PCDH11Y: variants seen among roughly 807,000 people sequenced by gnomAD.
PCDH11Y encodes protocadherin 11 Y-linked.
For missense variants in PCDH11Y, 12 were observed against 224.8 expected, an observed-to-expected ratio of 0.05 and a Z score of 6.05; for synonymous variants, 9 against 83.6, an observed-to-expected ratio of 0.11 and a Z score of 4.87.
intron 2 of PCDH11Y, among the ~76,000 whole-genome samples, chrY:5,170,517 A>G (rs1602879587): frequency 3.7e-5 from 1 of 26,767 alleles, no homozygotes; most frequent in Non-Finnish European, 8.8e-5. Context: ...CCCCAGGTAT[A>G]TGTAGTACAA....
At chrY:5,482,144 C>T in intron 2 of PCDH11Y, among the ~76,000 whole-genome samples, 2 of 31,644 alleles carry the variant, frequency 6.3e-5, no homozygotes, top group South Asian at 7.2e-4. Context: ...GGATTACAGG[C>T]GTGTGCCACT....
chrY:5,409,839 C>T, intron 2 of PCDH11Y, among the ~76,000 whole-genome samples: 1 of 33,702 alleles, frequency 3.0e-5, no homozygotes, highest in South Asian at 6.5e-4. Context: ...CAGTGCAACA[C>T]GTTAGAAATG....
intron 2 of PCDH11Y, among the ~76,000 whole-genome samples, chrY:5,414,655 G>T: frequency 6.0e-5 from 2 of 33,166 alleles, no homozygotes; most frequent in Non-Finnish European, 1.5e-4. Context: ...TTTTTGAGTT[G>T]CCAGAGTGCT....
chrY:5,039,632 C>T, intron 3 of PCDH11Y, among the ~76,000 whole-genome samples: 1 of 33,364 alleles, frequency 3.0e-5, no homozygotes, highest in East Asian at 7.9e-4. Flanking sequence ...TGTTATAATT[C>T]TAAAAACCAA....
intron 2 of PCDH11Y, among the ~76,000 whole-genome samples, chrY:5,378,747 T>G: frequency 3.0e-5 from 1 of 33,161 alleles, no homozygotes; most frequent in Non-Finnish European, 7.4e-5. Flanking sequence ...ATGCCAATGC[T>G]AATTCTAAGG....
At chrY:5,646,469 C>A (rs2053527329) in intron 4 of PCDH11Y, among the ~76,000 whole-genome samples, 1 of 32,333 alleles carries the variant, frequency 3.1e-5, no homozygotes. Context: ...CTTAATTGTA[C>A]ATTTTTAAAT....
chrY:5,262,246 G>T (rs2053019289), intron 2 of PCDH11Y, among the ~76,000 whole-genome samples: 1 of 32,370 alleles, frequency 3.1e-5, no homozygotes, highest in Non-Finnish European at 7.5e-5. Context: ...TTTGTTCACA[G>T]CCTCCAGCAT....
intron 2 of PCDH11Y, among the ~76,000 whole-genome samples, chrY:5,369,224 C>A: frequency 9.4e-5 from 3 of 31,824 alleles, no homozygotes; most frequent in Non-Finnish European, 2.3e-4. Flanking sequence ...TTGGCTGTGT[C>A]CCCAACCAAA....
intron 2 of PCDH11Y, among the ~76,000 whole-genome samples, chrY:5,357,501 G>A (rs1602910753): frequency 3.3e-3 from 102 of 31,210 alleles, no homozygotes; most frequent in African/African-American, 0.012. Context: ...CTGACATTTC[G>A]TAATATTTAA....
At chrY:5,351,898 C>T in intron 2 of PCDH11Y, among the ~76,000 whole-genome samples, 1 of 29,623 alleles carries the variant, frequency 3.4e-5, no homozygotes, top group Non-Finnish European at 8.0e-5. Flanking sequence ...GAGTGCTTTC[C>T]GTACCAGCCA....
At chrY:5,411,464 G>A (rs2053247417) in intron 2 of PCDH11Y, among the ~76,000 whole-genome samples, 1 of 32,313 alleles carries the variant, frequency 3.1e-5, no homozygotes. Context: ...CAATTATTTT[G>A]TTGTCGTAAT....
chrY:5,628,978 G>A, intron 4 of PCDH11Y, among the ~76,000 whole-genome samples: 1 of 33,528 alleles, frequency 3.0e-5, no homozygotes, highest in African/African-American at 1.2e-4. Flanking sequence ...GTTCATAAAA[G>A]CTTCTCTGTG....
intron 2 of PCDH11Y, among the ~76,000 whole-genome samples, chrY:5,498,490 G>A: frequency 2.9e-5 from 1 of 34,705 alleles, no homozygotes; most frequent in African/African-American, 1.1e-4. Flanking sequence ...GAAGAATACA[G>A]TATTGATGAT....
chrY:5,236,980 T>A, intron 2 of PCDH11Y, among the ~76,000 whole-genome samples: 1 of 33,134 alleles, frequency 3.0e-5, no homozygotes, highest in Non-Finnish European at 7.4e-5. Flanking sequence ...TGTAAGAGGA[T>A]TTTTTTCCCT....
At chrY:5,357,251 GTATA>G (rs760306167) in intron 2 of PCDH11Y, among the ~76,000 whole-genome samples, 6 of 15,246 alleles carry the variant, frequency 3.9e-4, no homozygotes, top group African/African-American at 1.6e-3. Flanking sequence ...ATATATATAC[GTATA>G]TATATATATA....
chrY:5,435,608 G>A (rs2053274314), intron 2 of PCDH11Y, among the ~76,000 whole-genome samples: 2 of 32,469 alleles, frequency 6.2e-5, no homozygotes, highest in Admixed American at 2.8e-4. Flanking sequence ...GAGCCACCGC[G>A]CCCGGCCGTG....
At chrY:5,266,179 A>G (rs2124658764) in intron 2 of PCDH11Y, among the ~76,000 whole-genome samples, 2 of 33,908 alleles carry the variant, frequency 5.9e-5, no homozygotes, top group East Asian at 1.5e-3. Flanking sequence ...ATTTTAATAC[A>G]CCATGTATAT....
intron 1 of PCDH11Y, among the ~76,000 whole-genome samples, chrY:5,021,591 T>C: frequency 3.2e-5 from 1 of 31,722 alleles, no homozygotes; most frequent in Admixed American, 2.9e-4. Context: ...CTTTCTCTTT[T>C]CCTTCTACTC....
intron 2 of PCDH11Y, among the ~76,000 whole-genome samples, chrY:5,386,114 G>C (rs2053214992): frequency 3.0e-5 from 1 of 33,299 alleles, no homozygotes; most frequent in Non-Finnish European, 7.4e-5. Context: ...CATTTATAAA[G>C]CTTAGTTTTG....
Sources: allele counts gnomAD v4.1 joint callset (sites outside exome capture counted in the v4.1 genomes callset), GRCh38; gene constraint gnomAD v4.1.1; transcripts MANE v1.5; gene names NCBI Gene and HGNC (gene_info 2026-07-23, HGNC 2026-07-21).